The following ZNF185 variants were observed in gnomAD, a reference collection of about 807,000 sequenced individuals.
ZNF185 encodes zinc finger protein 185 with LIM domain, also known as zinc finger protein 185.
Under a neutral mutation model 58.6 loss-of-function variants are expected in ZNF185, and 56 were observed. The ratio of observed to expected loss-of-function variants is 0.95; its 90% CI spans 0.77 to 1.19. The LOEUF (loss-of-function observed/expected upper bound fraction) is 1.19, where lower values mean the gene tolerates loss of function less well. ZNF185 is among the 50% of genes most tolerant of loss of function. ZNF185 has a pLI of 0.00. For synonymous variants in ZNF185, 230 were observed against 215.9 expected (o/e 1.07, Z -0.57); for missense variants, 627 against 573.5 (o/e 1.09, Z -0.95).
rs782136636 is a variant in ZNF185 at position 152,965,518 on chromosome X, G to A, written c.1790G>A (p.Arg597His). The A allele has an allele frequency of 3.8e-5, 45 of 1,181,167 alleles. No homozygotes were observed. The highest frequency in any genetic ancestry group is 5.0e-5 in the Non-Finnish European group (44 of 879,096). The change falls in exon 19 of 23, where the codon CGC becomes CAC. Residue 597 changes from arginine to histidine, a missense_variant. Arg to His is a conservative substitution (Grantham distance 29). Coordinates refer to ENST00000449285, the Ensembl canonical transcript of ZNF185. Reference sequence around the variant, plus strand: ...TCTTCTGGGAAGCCAGTATCTGCACGCTATAGCAAGTAAGAGCGGGTCCCA... The same window carrying A: ...TCTTCTGGGAAGCCAGTATCTGCACACTATAGCAAGTAAGAGCGGGTCCCA...
chrX:152,926,693 TGA>T (rs1462306895), intron 11 of ZNF185, among the ~76,000 whole-genome samples: 1 of 112,032 alleles, frequency 8.9e-6, no homozygotes, highest in Non-Finnish European at 1.9e-5. Flanking sequence ...TGTCTGTGGT[TGA>T]GAGTCTGGGG....
intron 15 of ZNF185, among the ~76,000 whole-genome samples, chrX:152,943,792 G>A (rs964953331): frequency 1.8e-5 from 2 of 112,866 alleles, no homozygotes; most frequent in African/African-American, 6.4e-5. Context: ...GAGGACGTGG[G>A]ACAGGACGGG....
In ZNF185 at chrX:152,959,832, C is replaced by CCAGAACAG. The variant is rs1458968045; in HGVS notation, c.1553_1560dup (p.Pro521ArgfsTer20). The CCAGAACAG allele has an allele frequency of 5.8e-6, 7 of 1,210,255 alleles. No homozygotes were observed. Among genetic ancestry groups the CCAGAACAG allele is most frequent in the Non-Finnish European group, 7.8e-6 (7 of 895,172 alleles). On this transcript the variant is annotated frameshift_variant, in exon 17 of 23. Coordinates refer to ENST00000449285, the Ensembl canonical transcript of ZNF185. LOFTEE classifies it high-confidence loss of function. ...TCAGCAACCTGCAGATCCCAGTACCCCAGAACAGCAGAACAGCCCCAGCGG... is the reference window on the plus strand; with the variant it reads ...TCAGCAACCTGCAGATCCCAGTACCCCAGAACAGCAGAACAGCAGAACAGCCCCAGCGG...
intron 17 of ZNF185, among the ~76,000 whole-genome samples, chrX:152,960,252 T>G (rs2049321280): frequency 8.9e-6 from 1 of 112,243 alleles, no homozygotes. Context: ...TGCCATGGTG[T>G]GGATGTGATT....
At chrX:152,948,343 G>A (rs2047978391) in intron 16 of ZNF185, among the ~76,000 whole-genome samples, 2 of 111,365 alleles carry the variant, frequency 1.8e-5, no homozygotes, top group African/African-American at 6.5e-5. Flanking sequence ...GATGTGGGAG[G>A]GGTGAGCAGA....
the ZNF185 span, among the ~76,000 whole-genome samples, chrX:152,907,555 C>A: frequency 8.8e-6 from 1 of 113,265 alleles, no homozygotes; most frequent in Non-Finnish European, 1.9e-5. Context: ...CATCTCTCAG[C>A]CCACTTGGCC....
In ZNF185 at chrX:152,965,641, A is replaced by G. The variant is rs1461144466; in HGVS notation, c.1799+114A>G. 9.8e-6 allele frequency: 6 copies of G among 610,239 alleles called. No individual in the cohort carries two copies. In the East Asian group the frequency reaches 1.1e-4, roughly 11 times the overall value. 50.3% of individuals were successfully genotyped at this position (610,239 alleles called of 1,213,427 possible). On this transcript the variant is annotated intron_variant, in intron 19 of 22. Transcript: ENST00000449285. ...ACTTGGCTCAGAGTAGCTTCGGGGTAATTGTCGAGTGGATGAGTGATGTAG... is the reference window on the plus strand; with the variant it reads ...ACTTGGCTCAGAGTAGCTTCGGGGTGATTGTCGAGTGGATGAGTGATGTAG...
At chrX:152,968,655 C>T (rs782766169) in intron 20 of ZNF185, among the ~76,000 whole-genome samples, 67 of 112,868 alleles carry the variant, frequency 5.9e-4, no homozygotes, top group South Asian at 1.4e-3. Context: ...ACAGAGCTAA[C>T]GTGGATCTAG....
chrX:152,898,962 C>T, the ZNF185 span, among the ~76,000 whole-genome samples: 1 of 112,412 alleles, frequency 8.9e-6, no homozygotes, highest in Non-Finnish European at 1.9e-5. Context: ...GCTGGGGACA[C>T]CTGGGTACTC....
At chrX:152,963,347 G>A (rs1044988186) in intron 17 of ZNF185, among the ~76,000 whole-genome samples, 1 of 112,907 alleles carries the variant, frequency 8.9e-6, no homozygotes, top group East Asian at 2.8e-4. Flanking sequence ...GGAATGAGGT[G>A]CATCTGACTT....
intron 6 of ZNF185, among the ~76,000 whole-genome samples, chrX:152,918,362 C>T (rs1038966260): frequency 1.8e-5 from 2 of 113,063 alleles, no homozygotes; most frequent in Non-Finnish European, 3.7e-5. Flanking sequence ...GCACATTGCA[C>T]GTCTGATCCG....
At chrX:152,923,466 C>T (rs957424856) in intron 11 of ZNF185, among the ~76,000 whole-genome samples, 6 of 112,359 alleles carry the variant, frequency 5.3e-5, no homozygotes, top group Non-Finnish European at 1.1e-4. Context: ...TTGATCTTCT[C>T]TGGTTGTCTG....
At chrX:152,915,990 G>A (rs1315311614) in intron 3 of ZNF185, among the ~76,000 whole-genome samples, 8 of 112,015 alleles carry the variant, frequency 7.1e-5, no homozygotes, top group Non-Finnish European at 1.5e-4. Flanking sequence ...GTCACCCCTC[G>A]ATGACTCAGC....
rs1341231242 is a variant in ZNF185, at chrX:152,952,586, T to C, written c.1410-7113T>C. ...CTGAAGCTCTACTGGCTATAGGCAG[T>C]TGAGAGGGCTGAGTGGGAAGGGGAA... is the stretch of plus-strand genomic sequence containing the variant. On this transcript the variant is annotated intron_variant, in intron 16 of 22. Coordinates refer to ENST00000449285, the Ensembl canonical transcript of ZNF185. Among the ~76,000 whole-genome samples, 3 of 110,382 alleles carry C rather than the reference T, an allele frequency of 2.7e-5. No individual in the cohort carries two copies. In the East Asian group the frequency reaches 8.5e-4, roughly 31 times the overall value.
intron 18 of ZNF185, among the ~76,000 whole-genome samples, 162 bp from the exon 21 acceptor site, chrX:152,965,285 C>T (rs2049990723): frequency 1.8e-5 from 2 of 111,854 alleles, no homozygotes; most frequent in Admixed American, 9.4e-5. Context: ...TAGTCTGAGT[C>T]CACAGCAGTG....
chrX:152,971,025 A>G (rs2050626861), intron 22 of ZNF185, among the ~76,000 whole-genome samples: 1 of 111,629 alleles, frequency 9.0e-6, no homozygotes, highest in Non-Finnish European at 1.9e-5. Flanking sequence ...CATTATGAGA[A>G]CTGCCTGAAG....
chrX:152,968,607 C>T (rs1445966860), intron 20 of ZNF185, among the ~76,000 whole-genome samples: 6 of 112,677 alleles, frequency 5.3e-5, no homozygotes, highest in Non-Finnish European at 1.1e-4. Flanking sequence ...GGATGGTGGG[C>T]CACACCCAAG....
At position 152,920,763 on chromosome X, in the gene ZNF185, G is replaced by A. The variant is rs781818971; in HGVS notation, c.656+15G>A. Reference sequence around the variant, plus strand: ...ATCGCGAAGAGGTAAGTGTCATCAAGGGACACCTTGGAGGCCTGTTACTGG... The same window carrying A: ...ATCGCGAAGAGGTAAGTGTCATCAAAGGACACCTTGGAGGCCTGTTACTGG... On this transcript the variant is annotated intron_variant, in intron 9 of 22. Coordinates refer to ENST00000449285, the Ensembl canonical transcript of ZNF185. 3.8e-5 allele frequency: 46 copies of A among 1,209,776 alleles called. No homozygotes were observed. Among genetic ancestry groups the A allele is most frequent in the Admixed American group, 1.7e-4 (8 of 45,931 alleles).
Position 152,945,441 on chromosome X carries a change from CAGACG to C in ZNF185, c.1390_1394del (p.Arg464GlufsTer9). 1 of 1,203,951 alleles carries C rather than the reference CAGACG, an allele frequency of 8.3e-7. No homozygotes were observed. The highest frequency in any genetic ancestry group is 1.1e-6 in the Non-Finnish European group (1 of 891,450). On this transcript the variant is annotated frameshift_variant, in exon 16 of 23. Coordinates refer to ENST00000449285, the Ensembl canonical transcript of ZNF185. LOFTEE classifies it high-confidence loss of function. ...GCCCCAGCGGATCTGAGCAACTTGT[CAGACG>C]AGAGAGTTGTGGCAGCAGGTAAGGG...
Sources: allele counts gnomAD v4.1 joint callset (sites outside exome capture counted in the v4.1 genomes callset), GRCh38; gene constraint gnomAD v4.1.1; transcripts MANE v1.5; gene names NCBI Gene and HGNC (gene_info 2026-07-23, HGNC 2026-07-21).